Variants in GALNTL6 observed in about 807,000 individuals in gnomAD.
GALNTL6 encodes polypeptide N-acetylgalactosaminyltransferase like 6, also known as polypeptide N-acetylgalactosaminyltransferase-like 6.
GALNTL6 carries 46 observed loss-of-function variants against 73.7 expected under a neutral mutation model. The observed-to-expected ratio is 0.62, with a 90% CI of 0.49 to 0.80. GALNTL6 has a LOEUF of 0.80. Among genes scored for constraint, GALNTL6 ranks in the 30% least tolerant of loss-of-function variants. The pLI is 0.00. For synonymous variants in GALNTL6, 259 were observed against 263.7 expected (o/e 0.98, Z 0.17); for missense variants, 604 against 755.0 (o/e 0.80, Z 2.34).
Position 171,994,727 on chromosome 4 carries a change from G to GAAA in GALNTL6, c.138+180016_138+180018dup, listed in dbSNP as rs11438346. ...TTATTGCTATTGCAATACAAAATATGAAAAAAAAAGAACCAGGAATATCTA... is the reference window on the plus strand; with the variant it reads ...TTATTGCTATTGCAATACAAAATATGAAAAAAAAAAAAGAACCAGGAATATCTA... On this transcript the variant is annotated intron_variant, in intron 2 of 12. Transcript: ENST00000506823. Among the ~76,000 whole-genome samples, 1,518 of 149,818 alleles carry GAAA rather than the reference G, an allele frequency of 0.01. 58 individuals carry two copies. The East Asian group carries it at 0.13, about 13-fold the overall frequency.
intron 8 of GALNTL6, among the ~76,000 whole-genome samples, chr4:172,893,342 T>TA (rs1553999943): frequency 7.7e-5 from 10 of 129,718 alleles, no homozygotes; most frequent in African/African-American, 3.3e-4. Flanking sequence ...GTTCTGAGAG[T>TA]GGCGGGGGGG....
chr4:172,610,540 T>A (rs1738487823), intron 5 of GALNTL6, among the ~76,000 whole-genome samples: 1 of 152,138 alleles, frequency 6.6e-6, no homozygotes, highest in Non-Finnish European at 1.5e-5. Flanking sequence ...TTTATTGTTC[T>A]GTGGCTTGAG....
Position 171,988,226 on chromosome 4 carries a change from G to C in GALNTL6, c.138+173508G>C, listed in dbSNP as rs549044291. On this transcript the variant is annotated intron_variant, in intron 2 of 12. Coordinates refer to ENST00000506823, the MANE Select transcript of GALNTL6 (RefSeq NM_001034845.3). ...TAAGAATTCTGACCGCACTAAGCAT[G>C]CCTAGGAAGGAAAGGAGTTCTTGTT... is the stretch of plus-strand genomic sequence containing the variant. 5.3e-5 allele frequency among the ~76,000 whole-genome samples: 8 copies of C among 152,298 alleles called. No homozygotes were observed. In the East Asian group the frequency reaches 7.7e-4, roughly 15 times the overall value.
At chr4:172,696,115 AAACTC>A (rs1733675892) in intron 5 of GALNTL6, among the ~76,000 whole-genome samples, 1 of 152,204 alleles carries the variant, frequency 6.6e-6, no homozygotes, top group African/African-American at 2.4e-5. Context: ...AACACTAAGA[AAACTC>A]TTTGAGAAAT....
intron 8 of GALNTL6, among the ~76,000 whole-genome samples, chr4:172,928,183 A>G (rs1024485050): frequency 9.2e-5 from 14 of 152,338 alleles, no homozygotes; most frequent in Non-Finnish European, 1.9e-4. Context: ...CATATGACCT[A>G]CAAAGGCAAA....
chr4:172,173,259 A>T (rs944531542), intron 2 of GALNTL6, among the ~76,000 whole-genome samples: 1 of 152,218 alleles, frequency 6.6e-6, no homozygotes, highest in African/African-American at 2.4e-5. Flanking sequence ...AACTCTCTGA[A>T]GAGCTGACTT....
At chr4:172,344,358 A>T (rs1234984500) in intron 4 of GALNTL6, among the ~76,000 whole-genome samples, 1 of 152,202 alleles carries the variant, frequency 6.6e-6, no homozygotes, top group African/African-American at 2.4e-5. Flanking sequence ...CTTGGCAGTG[A>T]TTCAATTTTT....
At chr4:172,368,068 C>G (rs1742635476) in intron 5 of GALNTL6, among the ~76,000 whole-genome samples, 1 of 152,136 alleles carries the variant, frequency 6.6e-6, no homozygotes, top group South Asian at 2.1e-4. Context: ...GAAATAGTAT[C>G]TATAAATACT....
intron 2 of GALNTL6, among the ~76,000 whole-genome samples, chr4:171,911,526 G>A (rs991183483): frequency 1.1e-4 from 17 of 152,114 alleles, no homozygotes; most frequent in African/African-American, 2.4e-4. Flanking sequence ...TGCAACCCCT[G>A]TAGGAAAACT....
chr4:172,340,886 C>T (rs533913214), intron 4 of GALNTL6, among the ~76,000 whole-genome samples: 3 of 152,284 alleles, frequency 2.0e-5, no homozygotes, highest in South Asian at 2.1e-4. Context: ...CACTGATCAG[C>T]GCTTAGCTGA....
At chr4:172,493,336 T>C (rs1445455252) in intron 5 of GALNTL6, among the ~76,000 whole-genome samples, 2 of 152,154 alleles carry the variant, frequency 1.3e-5, no homozygotes, top group African/African-American at 2.4e-5. Flanking sequence ...ATTTTAAAAG[T>C]TTAAACAGAC....
At chr4:171,892,289 C>G (rs991024863) in intron 2 of GALNTL6, among the ~76,000 whole-genome samples, 6 of 152,052 alleles carry the variant, frequency 3.9e-5, no homozygotes, top group Non-Finnish European at 8.8e-5. Flanking sequence ...GTGGTATCCC[C>G]CATATATAGA....
intron 5 of GALNTL6, among the ~76,000 whole-genome samples, chr4:172,587,592 C>T (rs1184565128): frequency 6.6e-6 from 1 of 152,212 alleles, no homozygotes; most frequent in African/African-American, 2.4e-5. Flanking sequence ...GCACCGTACA[C>T]TCAAACATAA....
intron 2 of GALNTL6, among the ~76,000 whole-genome samples, chr4:172,133,567 A>G (rs1004373323): frequency 6.6e-6 from 1 of 152,226 alleles, no homozygotes; most frequent in Admixed American, 6.5e-5. Context: ...TGTTGAAACT[A>G]TGGTGGATAT....
intron 2 of GALNTL6, among the ~76,000 whole-genome samples, chr4:171,959,905 T>G (rs1235337163): frequency 3.3e-5 from 5 of 152,204 alleles, no homozygotes; most frequent in African/African-American, 1.2e-4. Context: ...CCTTCATATT[T>G]CATATTTTTT....
chr4:173,023,938 C>T (rs183374988), intron 12 of GALNTL6, among the ~76,000 whole-genome samples: 185 of 151,958 alleles, frequency 1.2e-3, no homozygotes, highest in African/African-American at 4.0e-3. Flanking sequence ...CTGCGCACAT[C>T]GATAAAATAG....
At chr4:172,227,687 T>C in intron 2 of GALNTL6, among the ~76,000 whole-genome samples, 1 of 152,232 alleles carries the variant, frequency 6.6e-6, no homozygotes, top group East Asian at 1.9e-4. Flanking sequence ...TCTAGTATCT[T>C]CTTTCCTGAT....
chr4:172,236,132 TGTGTGATCCA>T (rs1737232601), intron 3 of GALNTL6, among the ~76,000 whole-genome samples: 1 of 152,224 alleles, frequency 6.6e-6, no homozygotes, highest in Non-Finnish European at 1.5e-5. Flanking sequence ...ATTGCACTGC[TGTGTGATCCA>T]GTGTTTCACA....
At chr4:172,379,556 A>AAAAAAAAAAC (rs1554019127) in intron 5 of GALNTL6, among the ~76,000 whole-genome samples, 1 of 143,808 alleles carries the variant, frequency 7.0e-6, no homozygotes, top group Non-Finnish European at 1.5e-5. Context: ...AAAAAAAAAA[A>AAAAAAAAAAC]AGAACGGGTT....
Sources: allele counts gnomAD v4.1 joint callset (sites outside exome capture counted in the v4.1 genomes callset), GRCh38; gene constraint gnomAD v4.1.1; transcripts MANE v1.5; gene names NCBI Gene and HGNC (gene_info 2026-07-23, HGNC 2026-07-21).